Variants in FGD4 observed in about 807,000 individuals in gnomAD.
FGD4 encodes FYVE, RhoGEF and PH domain-containing protein 4.
FGD4 carries 42 observed loss-of-function variants against 102.0 expected under a neutral mutation model. That is an observed-to-expected ratio of 0.41 (90% CI 0.32 to 0.53). The LOEUF is 0.53. Among genes scored for constraint, FGD4 ranks in the 20% least tolerant of loss-of-function variants. The pLI is 0.21. For synonymous variants in FGD4, 380 were observed against 375.7 expected (o/e 1.01, Z -0.13); for missense variants, 902 against 1,078.2 (o/e 0.84, Z 2.29).
At chr12:32,400,001 T>C (rs1454713621) in intron 1 of FGD4, 42 bp downstream of exon 1, 3 of 1,423,102 alleles carry the variant, frequency 2.1e-6, no homozygotes, top group Non-Finnish European at 1.8e-6. Flanking sequence ...CCCCGGCGCG[T>C]AGGTGCGGGT....
intron 11 of FGD4, among the ~76,000 whole-genome samples, chr12:32,620,410 C>T (rs1056905295): frequency 7.9e-5 from 12 of 151,946 alleles, no homozygotes; most frequent in African/African-American, 2.9e-4. Flanking sequence ...CCTCTGGCAA[C>T]CAGGACTTCT....
At chr12:32,413,287 A>T (rs1187850206) in intron 1 of FGD4, among the ~76,000 whole-genome samples, 3 of 152,050 alleles carry the variant, frequency 2.0e-5, no homozygotes, top group Non-Finnish European at 4.4e-5. Context: ...TATAAAAAAA[A>T]TTACCAAAAA....
At chr12:32,431,166 A>G (rs892940918) in intron 1 of FGD4, among the ~76,000 whole-genome samples, 2 of 152,198 alleles carry the variant, frequency 1.3e-5, no homozygotes, top group Non-Finnish European at 2.9e-5. Flanking sequence ...ACTTGTAGAG[A>G]GCAGCTGTCA....
Position 32,608,025 on chromosome 12 carries a change from G to C in FGD4, c.1473G>C (p.Arg491=). The C allele has an allele frequency of 6.2e-7, 1 of 1,614,168 alleles. No homozygotes were observed. The highest frequency in any genetic ancestry group is 1.1e-5 in the South Asian group (1 of 91,088). The change falls in exon 8 of 17, where the codon CGG becomes CGC. Residue 491 remains arginine, a synonymous_variant. Transcript: ENST00000534526. ...TAGAACCTGTTCAGCGGATTCCCCG[G>C]TATGAGATGCTCCTTAAGGACTATC... is the stretch of plus-strand genomic sequence containing the variant. ...HMLEPVQRIP[R]YEMLLKDYLR... is the part of the protein sequence containing the mutation.
intron 1 of FGD4, among the ~76,000 whole-genome samples, chr12:32,543,968 C>A (rs2136147784): frequency 6.6e-6 from 1 of 152,194 alleles, no homozygotes; most frequent in South Asian, 2.1e-4. Context: ...TGTCAGAAAC[C>A]AGAGATCAAG....
At chr12:32,424,944 T>A (rs1250764372) in intron 1 of FGD4, among the ~76,000 whole-genome samples, 3 of 152,234 alleles carry the variant, frequency 2.0e-5, no homozygotes, top group Non-Finnish European at 4.4e-5. Flanking sequence ...TAAATTTGTT[T>A]AAGTTCTTTG....
intron 1 of FGD4, among the ~76,000 whole-genome samples, chr12:32,419,709 C>T (rs933836944): frequency 2.0e-5 from 3 of 152,226 alleles, no homozygotes; most frequent in Non-Finnish European, 2.9e-5. Flanking sequence ...GCACTCTGGC[C>T]TGTGGTTGTG....
intron 1 of FGD4, among the ~76,000 whole-genome samples, chr12:32,433,580 G>T (rs11052001): frequency 6.6e-6 from 1 of 151,628 alleles, no homozygotes; most frequent in African/African-American, 2.4e-5. Context: ...CAGGTGATCC[G>T]CCCACCTCGG....
rs1301404092 is a variant in FGD4, at chr12:32,619,782, G to A, written c.1834G>A (p.Gly612Arg). The change falls in exon 11 of 17, where the codon GGA becomes AGA. Residue 612 changes from glycine (G) to arginine (R), a missense_variant. Physicochemically the swap from Gly to Arg is moderately radical, Grantham distance 125 (BLOSUM62 -2). Coordinates refer to ENST00000534526, the MANE Select transcript of FGD4 (RefSeq NM_001370298.3). ...AGTTCGAACCAGGGTTGGCATTGATGGAATGAAAATTGTAGAGACTCAAAA... is the reference window on the plus strand; with the variant it reads ...AGTTCGAACCAGGGTTGGCATTGATAGAATGAAAATTGTAGAGACTCAAAA... Reference protein sequence around the residue: ...FTVRTRVGIDGMKIVETQNEE... With the variant: ...FTVRTRVGIDRMKIVETQNEE... The A allele has an allele frequency of 6.2e-7, 1 of 1,614,106 alleles. No homozygotes were observed. The highest frequency in any genetic ancestry group is 1.7e-5 in the Admixed American group (1 of 59,990).
chr12:32,411,827 T>A (rs1941225111), intron 1 of FGD4, among the ~76,000 whole-genome samples: 1 of 152,116 alleles, frequency 6.6e-6, no homozygotes, highest in East Asian at 1.9e-4. Flanking sequence ...GTACAAAAAT[T>A]CACAGGGTGT....
chr12:32,624,551 G>GA, intron 12 of FGD4, 99 bp downstream of exon 12: 2 of 1,014,744 alleles, frequency 2.0e-6, no homozygotes, highest in Non-Finnish European at 3.0e-6. Flanking sequence ...ATGTCTCACT[G>GA]CAGCCTCTGT....
At chr12:32,480,084 G>A (rs1024246378) in intron 1 of FGD4, among the ~76,000 whole-genome samples, 20 of 151,622 alleles carry the variant, frequency 1.3e-4, no homozygotes, top group Admixed American at 8.5e-4. Flanking sequence ...GAACCACTAC[G>A]CCCTGCCTGT....
intron 1 of FGD4, among the ~76,000 whole-genome samples, chr12:32,555,569 C>CTT (rs776546962): frequency 0.052 from 6,206 of 118,684 alleles, 251 homozygotes; most frequent in South Asian, 0.1. Flanking sequence ...GAGACAAGGT[C>CTT]TTTTTTTTTT....
rs367726208 is a variant in FGD4 at position 32,495,914 on chromosome 12, C to T, written c.167-68223C>T. On this transcript the variant is annotated intron_variant, in intron 1 of 16. Transcript: ENST00000534526. ...TACCTTCAAATGTCATAATTAGATA[C>T]ACCCCAGTCCTAGTCTCAAGGGACC... Among the ~76,000 whole-genome samples the T allele has an allele frequency of 7.2e-5, 11 of 152,152 alleles. No homozygotes were observed. The South Asian group carries it at 8.3e-4, about 11-fold the overall frequency.
chr12:32,481,160 C>G (rs1460769125), intron 1 of FGD4, among the ~76,000 whole-genome samples: 1 of 66,476 alleles, frequency 1.5e-5, no homozygotes, highest in African/African-American at 4.1e-5. Context: ...AAAAAAAAGC[C>G]GGGCGCAGTG....
intron 1 of FGD4, among the ~76,000 whole-genome samples, chr12:32,441,728 C>T (rs1304789677): frequency 6.6e-6 from 1 of 152,056 alleles, no homozygotes; most frequent in African/African-American, 2.4e-5. Flanking sequence ...CCCTAGGACT[C>T]ACCTAGAAGT....
At chr12:32,488,060 C>A (rs1943966868) in intron 1 of FGD4, among the ~76,000 whole-genome samples, 1 of 152,012 alleles carries the variant, frequency 6.6e-6, no homozygotes, top group East Asian at 1.9e-4. Context: ...CAAGCATGGG[C>A]TGTGAAAATG....
At chr12:32,571,633 AT>A (rs1452182141) in intron 2 of FGD4, among the ~76,000 whole-genome samples, 1 of 152,280 alleles carries the variant, frequency 6.6e-6, no homozygotes, top group East Asian at 1.9e-4. Flanking sequence ...TTGAGAAGAT[AT>A]TTGAAGATTT....
rs1195697598 is a variant in FGD4, at chr12:32,619,880, C to T, written c.1922+10C>T. On this transcript the variant is annotated intron_variant, in intron 11 of 16. Coordinates refer to ENST00000534526, the MANE Select transcript of FGD4 (RefSeq NM_001370298.3). ...TGGAACTGCAGGCCAGGTAAGGGAACCATTTCTATCACACTGCTTTCCAAA... is the reference window on the plus strand; with the variant it reads ...TGGAACTGCAGGCCAGGTAAGGGAATCATTTCTATCACACTGCTTTCCAAA... 11 of 1,613,776 alleles carry T rather than the reference C, an allele frequency of 6.8e-6. No homozygotes were observed. The highest frequency in any genetic ancestry group is 8.5e-6 in the Non-Finnish European group (10 of 1,179,948).
Sources: allele counts gnomAD v4.1 joint callset (sites outside exome capture counted in the v4.1 genomes callset), GRCh38; gene constraint gnomAD v4.1.1; transcripts MANE v1.5; gene names NCBI Gene and HGNC (gene_info 2026-07-23, HGNC 2026-07-21).